Variants in SOX6 observed in about 807,000 individuals in gnomAD.
SOX6 encodes transcription factor SOX-6.
Under a neutral mutation model 97.8 loss-of-function variants are expected in SOX6, and 11 were observed. That is an observed-to-expected ratio of 0.11 (90% CI 0.07 to 0.19). SOX6 has a LOEUF of 0.19. SOX6 is among the 10% of genes least tolerant of loss of function. The probability of loss-of-function intolerance (pLI) is 1.00; values close to 1 mark genes in which losing one functional copy is unlikely to be tolerated. For missense variants in SOX6, 810 were observed against 1,039.5 expected (o/e 0.78, Z 3.04); for synonymous variants, 360 against 371.4 (o/e 0.97, Z 0.35).
intron 12 of SOX6, among the ~76,000 whole-genome samples, chr11:16,039,270 CAAAT>C (rs1212718385): frequency 6.6e-6 from 1 of 152,022 alleles, no homozygotes; most frequent in African/African-American, 2.4e-5. Context: ...CGTATAAACA[CAAAT>C]AGTACAACTG....
At chr11:16,716,033 A>G (rs929331585) in intron 2 of SOX6, among the ~76,000 whole-genome samples, 4 of 152,154 alleles carry the variant, frequency 2.6e-5, no homozygotes, top group African/African-American at 9.7e-5. Flanking sequence ...CCAGGAGTTC[A>G]GGGACAGCCT....
At chr11:16,603,165 G>C (rs1414060369) in intron 4 of SOX6, among the ~76,000 whole-genome samples, 1 of 152,198 alleles carries the variant, frequency 6.6e-6, no homozygotes, top group East Asian at 1.9e-4. Flanking sequence ...CTAGAAACAA[G>C]GGGGGAGGAG....
rs1480920040 is a variant in SOX6 at position 16,262,771 on chromosome 11, TGA to T, written c.446-28102_446-28101del. On this transcript the variant is annotated intron_variant, in intron 3 of 15. Coordinates refer to ENST00000683767, the MANE Select transcript of SOX6 (RefSeq NM_001367873.1). ...AGGAAGAAAAACTGTGGTAACATCT[TGA>T]GTTCAGATCAATGATGCATTTAGAT... Among the ~76,000 whole-genome samples, 3 of 152,040 alleles carry T rather than the reference TGA, an allele frequency of 2.0e-5. No homozygotes were observed. In the East Asian group the frequency reaches 5.8e-4, roughly 29 times the overall value.
intron 4 of SOX6, among the ~76,000 whole-genome samples, chr11:16,504,913 G>A (rs1860762110): frequency 6.6e-6 from 1 of 152,128 alleles, no homozygotes; most frequent in Non-Finnish European, 1.5e-5. Flanking sequence ...GACCTCCCCA[G>A]AAGCAAAATC....
intron 6 of SOX6, among the ~76,000 whole-genome samples, chr11:16,174,434 T>A (rs1165157644): frequency 6.6e-6 from 1 of 151,972 alleles, no homozygotes; most frequent in East Asian, 1.9e-4. Context: ...ACTTTTTGCA[T>A]CATTTATTTG....
intron 2 of SOX6, among the ~76,000 whole-genome samples, chr11:16,335,634 T>C (rs1856435695): frequency 1.3e-5 from 2 of 152,172 alleles, no homozygotes; most frequent in Non-Finnish European, 2.9e-5. Context: ...AGATTAGAAA[T>C]CTTCTCAAAG....
At chr11:16,362,938 A>G (rs752735244) in intron 1 of SOX6, among the ~76,000 whole-genome samples, 2 of 152,194 alleles carry the variant, frequency 1.3e-5, no homozygotes, top group Non-Finnish European at 2.9e-5. Flanking sequence ...AGATCTTTAT[A>G]AGTCTGGTAC....
rs187911372 is a variant in SOX6 at position 16,137,756 on chromosome 11, A to G, written c.778-25833T>C. 5.7e-3 allele frequency among the ~76,000 whole-genome samples: 870 copies of G among 152,308 alleles called. 4 individuals carry two copies. Among genetic ancestry groups the G allele is most frequent in the Middle Eastern group, 0.031 (9 of 294 alleles). ...GTTCCTATAATCCCTACGTGCCATG[A>G]GAGGGACCAGGTGGAGATAATTGAA... On this transcript the variant is annotated intron_variant, in intron 6 of 15. Coordinates refer to ENST00000683767, the MANE Select transcript of SOX6 (RefSeq NM_001367873.1).
chr11:16,400,216 C>A (rs1858514894), intron 1 of SOX6, among the ~76,000 whole-genome samples: 1 of 151,308 alleles, frequency 6.6e-6, no homozygotes, highest in Non-Finnish European at 1.5e-5. Context: ...AAAAGATATA[C>A]AAATTATATA....
intron 2 of SOX6, among the ~76,000 whole-genome samples, chr11:16,736,183 C>G (rs1293402477): frequency 1.3e-5 from 2 of 152,094 alleles, no homozygotes; most frequent in African/African-American, 2.4e-5. Context: ...GCGCCAGAAA[C>G]AAAAATGCAG....
intron 4 of SOX6, among the ~76,000 whole-genome samples, chr11:16,541,266 T>C (rs943845049): frequency 3.3e-5 from 5 of 152,154 alleles, no homozygotes; most frequent in African/African-American, 1.2e-4. Context: ...ACTGGCTAGC[T>C]ATATGTAGAA....
At chr11:16,629,529 C>T (rs1171566213) in intron 3 of SOX6, among the ~76,000 whole-genome samples, 2 of 152,186 alleles carry the variant, frequency 1.3e-5, no homozygotes, top group Admixed American at 6.5e-5. Flanking sequence ...TGTCTATACT[C>T]ACCAGGAATA....
At chr11:16,599,221 G>A (rs546075125) in intron 4 of SOX6, among the ~76,000 whole-genome samples, 2 of 152,156 alleles carry the variant, frequency 1.3e-5, no homozygotes, top group Admixed American at 6.5e-5. Context: ...ATAGACCATG[G>A]GAGCTTAGTA....
Position 16,343,197 on chromosome 11 carries a change from A to G in SOX6, c.-4-1945T>C, listed in dbSNP as rs541003351. Among the ~76,000 whole-genome samples, 9 of 152,054 alleles carry G rather than the reference A, an allele frequency of 5.9e-5. 1 individual carries two copies. The highest frequency in any genetic ancestry group is 2.2e-4 in the African/African-American group (9 of 41,558). On this transcript the variant is annotated intron_variant, in intron 1 of 15. Transcript: ENST00000683767. ...CAAATTATAATTGTTCTGCAAGTTTATCAAGAGCTTGCCACAAACAAGGGT... is the reference window on the plus strand; with the variant it reads ...CAAATTATAATTGTTCTGCAAGTTTGTCAAGAGCTTGCCACAAACAAGGGT...
chr11:16,432,777 G>C (rs1372775123), intron 1 of SOX6, among the ~76,000 whole-genome samples: 1 of 152,020 alleles, frequency 6.6e-6, no homozygotes, highest in African/African-American at 2.4e-5. Flanking sequence ...AATCCAGTTA[G>C]TGTGCTCACA....
intron 1 of SOX6, among the ~76,000 whole-genome samples, chr11:16,420,732 T>A (rs1409777839): frequency 5.3e-5 from 8 of 152,190 alleles, no homozygotes; most frequent in Admixed American, 5.2e-4. Context: ...CTCTTTTGAA[T>A]ATGAGAAAAG....
intron 9 of SOX6, among the ~76,000 whole-genome samples, chr11:16,073,254 T>C (rs1254264428): frequency 6.6e-6 from 1 of 151,916 alleles, no homozygotes; most frequent in Non-Finnish European, 1.5e-5. Context: ...GAGAAAAATC[T>C]ACAAGGCAAA....
intron 4 of SOX6, among the ~76,000 whole-genome samples, chr11:16,495,946 C>T (rs1239325304): frequency 6.6e-6 from 1 of 152,176 alleles, no homozygotes; most frequent in African/African-American, 2.4e-5. Flanking sequence ...ACAGCCTAAG[C>T]CACTGAGGAA....
rs1043723118 is a variant in SOX6, at chr11:16,300,097, A to AG, written c.445+18348dup. ...TCTTCTAATTTCAGACAAAACATGG[A>AG]GGTGAGGGCGGCTGCTCACTGTGGG... On this transcript the variant is annotated intron_variant, in intron 3 of 15. Coordinates refer to ENST00000683767, the MANE Select transcript of SOX6 (RefSeq NM_001367873.1). The surrounding 1 kb of genome is among the most constrained non-coding windows in gnomAD (Gnocchi z 4.1). Among the ~76,000 whole-genome samples the AG allele has an allele frequency of 2.6e-5, 4 of 152,092 alleles. No individual in the cohort carries two copies. Among genetic ancestry groups the AG allele is most frequent in the Non-Finnish European group, 5.9e-5 (4 of 68,006 alleles).
Sources: gnomAD v4.1 joint callset for allele counts (sites outside exome capture counted in the v4.1 genomes callset) on GRCh38, gnomAD v4.1.1 for gene constraint, Gnocchi (gnomAD v3.1) non-coding constraint, MANE v1.5 for transcripts, NCBI Gene and HGNC (gene_info 2026-07-23, HGNC 2026-07-21) for gene names.